The following DGKB variants were observed in gnomAD, a reference collection of about 807,000 sequenced individuals.
DGKB encodes the protein diacylglycerol kinase beta, also known as 90 kDa diacylglycerol kinase.
In DGKB, 67 loss-of-function variants were observed where a neutral mutation model predicts 114.3. That is an observed-to-expected ratio of 0.59 (90% CI 0.48 to 0.72). The LOEUF is 0.72. Ranked by LOEUF, DGKB falls within the 30% of genes least tolerant of loss-of-function variation. The probability of loss-of-function intolerance (pLI) is 0.00; values close to 1 mark genes in which losing one functional copy is unlikely to be tolerated. For missense variants in DGKB, 907 were observed against 975.2 expected, an observed-to-expected ratio of 0.93 and a Z score of 0.93; for synonymous variants, 398 against 323.1, an observed-to-expected ratio of 1.23 and a Z score of -2.49.
At chr7:14,187,814 A>G (rs553005271) in intron 23 of DGKB, among the ~76,000 whole-genome samples, 1 of 152,260 alleles carries the variant, frequency 6.6e-6, no homozygotes, top group African/African-American at 2.4e-5. Context: ...GCAAATTAAC[A>G]TGGCACCCAC....
chr7:14,674,529 T>C (rs908791474), intron 12 of DGKB, among the ~76,000 whole-genome samples: 1 of 152,156 alleles, frequency 6.6e-6, no homozygotes, highest in Non-Finnish European at 1.5e-5. Flanking sequence ...AGTGTTGGGA[T>C]GGATCAATTT....
chr7:14,609,183 G>A (rs946724672), intron 16 of DGKB, among the ~76,000 whole-genome samples: 1 of 151,996 alleles, frequency 6.6e-6, no homozygotes, highest in African/African-American at 2.4e-5. Context: ...CATGGTACTG[G>A]TATAAAACCA....
rs74379941 is a variant in DGKB, at chr7:14,584,706, T to C, written c.1434-1569A>G. ...GGAGTTTCACTTTTGTCGCCCAATA[T>C]GGAGTGCAATGGTGCAATCTCGACT... On this transcript the variant is annotated intron_variant, in intron 17 of 25. Coordinates refer to ENST00000402815, the MANE Select transcript of DGKB (RefSeq NM_001350709.2). 5.4e-3 allele frequency among the ~76,000 whole-genome samples: 828 copies of C among 152,142 alleles called. 7 individuals are homozygous for C. The highest frequency in any genetic ancestry group is 0.019 in the African/African-American group (771 of 41,508).
intron 1 of DGKB, among the ~76,000 whole-genome samples, chr7:14,853,715 A>C (rs1988291): frequency 0.42 from 63,601 of 150,842 alleles, 14,257 homozygotes; most frequent in East Asian, 0.64. Context: ...ACAACAACAA[A>C]AAATTAGCCG....
At chr7:14,887,972 G>T in intron 1 of DGKB, among the ~76,000 whole-genome samples, 1 of 151,602 alleles carries the variant, frequency 6.6e-6, no homozygotes, top group East Asian at 1.9e-4. Context: ...AATTACCATT[G>T]TTTTCCCAAT....
intron 1 of DGKB, among the ~76,000 whole-genome samples, chr7:14,851,334 G>C (rs1849321687): frequency 6.6e-6 from 1 of 151,900 alleles, no homozygotes; most frequent in Non-Finnish European, 1.5e-5. Flanking sequence ...TTTTGAATTT[G>C]GTTTATTATC....
chr7:14,273,220 C>T (rs1798516915), intron 23 of DGKB, among the ~76,000 whole-genome samples: 1 of 152,110 alleles, frequency 6.6e-6, no homozygotes. Context: ...GTGGGGCAAT[C>T]CCGTAGTCCC....
chr7:14,552,970 G>T (rs1035823264), intron 20 of DGKB, among the ~76,000 whole-genome samples: 3 of 152,198 alleles, frequency 2.0e-5, no homozygotes, highest in Non-Finnish European at 4.4e-5. Context: ...TGGTCTTAAG[G>T]CTGATAGTGA....
intron 20 of DGKB, among the ~76,000 whole-genome samples, chr7:14,479,307 T>A (rs1310317776): frequency 6.6e-6 from 1 of 152,150 alleles, no homozygotes; most frequent in African/African-American, 2.4e-5. Context: ...TGCTTACTCA[T>A]GCATAACAAA....
intron 2 of DGKB, among the ~76,000 whole-genome samples, chr7:14,806,758 T>A (rs189754833): frequency 2.0e-5 from 3 of 151,808 alleles, no homozygotes; most frequent in East Asian, 3.9e-4. Context: ...CCTGATAACA[T>A]ATAAATTTCC....
chr7:14,657,770 A>G (rs1816156910), intron 13 of DGKB, among the ~76,000 whole-genome samples: 1 of 151,920 alleles, frequency 6.6e-6, no homozygotes, highest in South Asian at 2.1e-4. Flanking sequence ...GAGAATTCAA[A>G]ATTCAAATTT....
intron 23 of DGKB, among the ~76,000 whole-genome samples, chr7:14,276,324 T>G (rs1474863657): frequency 6.6e-6 from 1 of 152,218 alleles, no homozygotes; most frequent in Admixed American, 6.5e-5. Flanking sequence ...TTTAATAGTT[T>G]AATATTTCTT....
intron 21 of DGKB, among the ~76,000 whole-genome samples, chr7:14,355,049 T>C (rs149791219): frequency 1.1e-3 from 171 of 152,270 alleles, no homozygotes; most frequent in Middle Eastern, 6.8e-3. Context: ...ACTAGTTGAC[T>C]ATGTTGAGCT....
intron 21 of DGKB, among the ~76,000 whole-genome samples, chr7:14,347,738 G>C (rs1812721643): frequency 6.6e-6 from 1 of 151,822 alleles, no homozygotes; most frequent in Non-Finnish European, 1.5e-5. Flanking sequence ...TGGTAGCAAG[G>C]GGGAAAATAA....
At chr7:14,684,208 G>C (rs1168393755) in intron 10 of DGKB, among the ~76,000 whole-genome samples, 1 of 152,040 alleles carries the variant, frequency 6.6e-6, no homozygotes, top group Non-Finnish European at 1.5e-5. Context: ...TAAATTTCAA[G>C]TAACACAGCT....
intron 23 of DGKB, among the ~76,000 whole-genome samples, chr7:14,224,472 T>G (rs191027039): frequency 1.4e-4 from 21 of 152,184 alleles, no homozygotes; most frequent in Non-Finnish European, 5.9e-5. Context: ...CTTTGTCTGT[T>G]TAACTCAATA....
intron 1 of DGKB, among the ~76,000 whole-genome samples, chr7:14,893,255 C>G (rs1313559795): frequency 6.6e-6 from 1 of 151,270 alleles, no homozygotes; most frequent in Non-Finnish European, 1.5e-5. Context: ...CAGTGATCTT[C>G]CAGTGTTCAA....
At chr7:14,775,374 G>A (rs1051957869) in intron 2 of DGKB, among the ~76,000 whole-genome samples, 24 of 151,528 alleles carry the variant, frequency 1.6e-4, no homozygotes, top group African/African-American at 2.2e-4. Context: ...ATATACATAC[G>A]TTGATATGGT....
chr7:14,924,345 A>G (rs532047995), intron 1 of DGKB, among the ~76,000 whole-genome samples: 2 of 152,068 alleles, frequency 1.3e-5, no homozygotes, highest in East Asian at 3.9e-4. Flanking sequence ...TTTCTTTGGT[A>G]TTTTCTAATT....
Sources: gnomAD v4.1 joint callset for allele counts (sites outside exome capture counted in the v4.1 genomes callset) on GRCh38, gnomAD v4.1.1 for gene constraint, MANE v1.5 for transcripts, NCBI Gene and HGNC (gene_info 2026-07-23, HGNC 2026-07-21) for gene names.